Variants in CTNNAL1 observed in about 807,000 individuals in gnomAD.
The protein encoded by CTNNAL1 is alpha-catulin.
A neutral mutation model predicts 93.6 loss-of-function variants in CTNNAL1; 69 were observed. That is an observed-to-expected ratio of 0.74 (90% confidence interval 0.61 to 0.90). The LOEUF (loss-of-function observed/expected upper bound fraction) is 0.90, where lower values mean the gene tolerates loss of function less well. CTNNAL1 is among the 40% of genes least tolerant of loss of function. CTNNAL1 has a pLI of 0.00. For synonymous variants in CTNNAL1, 286 were observed against 305.4 expected (o/e 0.94, Z 0.66); for missense variants, 836 against 862.0 (o/e 0.97, Z 0.38).
At chr9:108,950,063 AC>A (rs1194312213) in intron 14 of CTNNAL1, among the ~76,000 whole-genome samples, 5 of 151,918 alleles carry the variant, frequency 3.3e-5, no homozygotes, top group African/African-American at 4.8e-5. Flanking sequence ...CTATTGATGA[AC>A]CCTTCATTTG....
intron 11 of CTNNAL1, among the ~76,000 whole-genome samples, chr9:108,957,716 C>T (rs185563725): frequency 4.9e-4 from 74 of 152,210 alleles, no homozygotes; most frequent in African/African-American, 1.6e-3. Context: ...GATAGTCTTC[C>T]GGTCACTCAG....
At chr9:108,975,036 A>G (rs562853856) in intron 8 of CTNNAL1, among the ~76,000 whole-genome samples, 55 of 151,912 alleles carry the variant, frequency 3.6e-4, no homozygotes, top group Middle Eastern at 3.4e-3. Context: ...GGTGGCGTGC[A>G]TCTGTAATCC....
intron 6 of CTNNAL1, among the ~76,000 whole-genome samples, chr9:108,982,624 A>T (rs1831469784): frequency 6.6e-6 from 1 of 152,204 alleles, no homozygotes; most frequent in Non-Finnish European, 1.5e-5. Context: ...ATAACCAAAG[A>T]CCAGTGTTCT....
chr9:108,991,490 C>G (rs527387045), intron 3 of CTNNAL1, among the ~76,000 whole-genome samples: 14 of 152,186 alleles, frequency 9.2e-5, no homozygotes, highest in African/African-American at 3.4e-4. Flanking sequence ...TTTTCAAATA[C>G]TTTTCTTTAA....
At chr9:108,943,512 C>T (rs1230142481) in intron 17 of CTNNAL1, among the ~76,000 whole-genome samples, 191 bp downstream of exon 17, 2 of 152,082 alleles carry the variant, frequency 1.3e-5, no homozygotes, top group Admixed American at 1.3e-4. Flanking sequence ...GTCCAAAAAA[C>T]TACTTTATTT....
chr9:108,969,270 A>C (rs1041856177), intron 10 of CTNNAL1, among the ~76,000 whole-genome samples: 4 of 117,106 alleles, frequency 3.4e-5, no homozygotes, highest in African/African-American at 1.6e-4. Flanking sequence ...ACTCCGTCTC[A>C]AAAAAAAAAA....
intron 12 of CTNNAL1, 128 bp from the exon 13 acceptor site, chr9:108,952,622 T>A: frequency 8.3e-7 from 1 of 1,202,124 alleles, no homozygotes; most frequent in Non-Finnish European, 1.1e-6. Context: ...ATGTAATGAC[T>A]GAATATTTTA....
At chr9:108,954,831 C>T (rs1473437266) in intron 12 of CTNNAL1, among the ~76,000 whole-genome samples, 2 of 150,716 alleles carry the variant, frequency 1.3e-5, no homozygotes, top group Non-Finnish European at 3.0e-5. Flanking sequence ...CCTACACCAT[C>T]AAGCATTCCC....
intron 6 of CTNNAL1, among the ~76,000 whole-genome samples, chr9:108,981,253 G>A (rs1831419355): frequency 6.6e-6 from 1 of 152,188 alleles, no homozygotes; most frequent in South Asian, 2.1e-4. Context: ...AAAAAGGGAA[G>A]ATTAGAAAAA....
intron 5 of CTNNAL1, 99 bp downstream of exon 5, chr9:108,984,248 C>T (rs552017820): frequency 7.1e-6 from 5 of 702,784 alleles, no homozygotes; most frequent in Non-Finnish European, 1.3e-5. Flanking sequence ...TAAGTAATCA[C>T]TTTGATCTTT....
Position 108,965,480 on chromosome 9 carries a change from C to G in CTNNAL1, c.1489G>C (p.Ala497Pro), listed in dbSNP as rs763636586. Residue 497 changes from alanine (A) to proline (P), a missense_variant, in exon 11 of 19, where the codon GCT (alanine) becomes CCT (proline). By Grantham distance (27) the Ala-to-Pro change is conservative. Coordinates refer to ENST00000325551, the MANE Select transcript of CTNNAL1 (RefSeq NM_003798.4). ...TLTLHPSSKI[A>P]KENLDVFCEA... ...CAAAATACATCTAGGTTTTCTTTAGCAATTTTACTAGATGGATGCAATGTC... is the reference window on the plus strand; with the variant it reads ...CAAAATACATCTAGGTTTTCTTTAGGAATTTTACTAGATGGATGCAATGTC... The G allele has an allele frequency of 1.3e-6, 2 of 1,595,136 alleles. No homozygotes were observed. The highest frequency in any genetic ancestry group is 1.7e-6 in the Non-Finnish European group (2 of 1,170,540).
chr9:108,946,791 GT>G (rs1281103816), intron 15 of CTNNAL1, among the ~76,000 whole-genome samples: 1 of 152,126 alleles, frequency 6.6e-6, no homozygotes, highest in Non-Finnish European at 1.5e-5. Context: ...GTTCATCACA[GT>G]TTGGAGACAA....
At chr9:108,972,864 G>GGGGGGGGGAGA in intron 8 of CTNNAL1, 31 bp from the exon 9 acceptor site, 2 of 142,590 alleles carry the variant, frequency 1.4e-5, no homozygotes, top group South Asian at 2.4e-4. Flanking sequence ...GGGGGGGTGG[G>GGGGGGGGGAGA]AGGGTGGAGA....
chr9:108,943,358 C>T (rs760405302), intron 17 of CTNNAL1, among the ~76,000 whole-genome samples: 2 of 152,152 alleles, frequency 1.3e-5, no homozygotes, highest in Non-Finnish European at 2.9e-5. Flanking sequence ...CTTTGCAATT[C>T]CTTGCACTCT....
chr9:108,945,641 T>G (rs561623529), intron 15 of CTNNAL1, among the ~76,000 whole-genome samples: 7,475 of 148,190 alleles, frequency 0.05, 269 homozygotes, highest in East Asian at 0.12. Context: ...TTTTTTTTTT[T>G]TGTTTTGTTT....
At chr9:109,013,253 C>A in intron 1 of CTNNAL1, 49 bp downstream of exon 1, 1 of 1,428,862 alleles carries the variant, frequency 7.0e-7, no homozygotes, top group African/African-American at 1.5e-5. Flanking sequence ...GCCGCCATCG[C>A]GGGCCGCGGC....
chr9:108,973,812 C>T (rs1831186861), intron 8 of CTNNAL1, among the ~76,000 whole-genome samples: 1 of 151,146 alleles, frequency 6.6e-6, no homozygotes, highest in South Asian at 2.1e-4. Context: ...TTCTTTTTTC[C>T]TGGAAGTAAT....
At chr9:108,961,604 T>A (rs757161826) in intron 11 of CTNNAL1, among the ~76,000 whole-genome samples, 1 of 152,182 alleles carries the variant, frequency 6.6e-6, no homozygotes, top group Non-Finnish European at 1.5e-5. Context: ...ATAAGTTAAC[T>A]GAACCTAAAG....
intron 11 of CTNNAL1, among the ~76,000 whole-genome samples, chr9:108,960,848 GT>G (rs1162584666): frequency 6.6e-6 from 1 of 152,220 alleles, no homozygotes; most frequent in Non-Finnish European, 1.5e-5. Context: ...CTCCCTGGAG[GT>G]TTGGGTGAGA....
Sources: gnomAD v4.1 joint callset for allele counts (sites outside exome capture counted in the v4.1 genomes callset) on GRCh38, gnomAD v4.1.1 for gene constraint, MANE v1.5 for transcripts, NCBI Gene and HGNC (gene_info 2026-07-23, HGNC 2026-07-21) for gene names.